MARK1: variants seen among roughly 807,000 people sequenced by gnomAD.
MARK1 encodes the protein microtubule affinity regulating kinase 1, also known as serine/threonine-protein kinase MARK1.
MARK1 carries 40 observed loss-of-function variants against 96.3 expected under a neutral mutation model. That is an observed-to-expected ratio of 0.42 (90% CI 0.32 to 0.54). The LOEUF (loss-of-function observed/expected upper bound fraction) is 0.54. Ranked by LOEUF, MARK1 falls within the 20% of genes least tolerant of loss-of-function variation. The pLI, the probability that MARK1 is intolerant of heterozygous loss-of-function variation, is 0.16. For missense variants in MARK1, 719 were observed against 984.6 expected, an observed-to-expected ratio of 0.73 and a Z score of 3.61; for synonymous variants, 317 against 341.2, an observed-to-expected ratio of 0.93 and a Z score of 0.78.
At chr1:220,572,776 T>C (rs1249608671) in intron 1 of MARK1, among the ~76,000 whole-genome samples, 1 of 152,202 alleles carries the variant, frequency 6.6e-6, no homozygotes, top group East Asian at 1.9e-4. Context: ...TTCATTTATA[T>C]AGATTCATTT....
intron 1 of MARK1, among the ~76,000 whole-genome samples, chr1:220,534,246 T>G (rs1037658672): frequency 1.3e-5 from 2 of 152,146 alleles, no homozygotes; most frequent in Non-Finnish European, 2.9e-5. Context: ...ATAATCAAAT[T>G]AAGGCAATTG....
At chr1:220,546,433 G>A (rs1028540200) in intron 1 of MARK1, among the ~76,000 whole-genome samples, 1 of 152,136 alleles carries the variant, frequency 6.6e-6, no homozygotes, top group Admixed American at 6.5e-5. Flanking sequence ...CAGAAGAATA[G>A]GATGATAAAA....
At chr1:220,572,733 T>C (rs1558267537) in intron 1 of MARK1, among the ~76,000 whole-genome samples, 1 of 152,212 alleles carries the variant, frequency 6.6e-6, no homozygotes, top group African/African-American at 2.4e-5. Flanking sequence ...GTTTTGTATT[T>C]ACCCACATAT....
At chr1:220,657,577 CT>C (rs1461546248) in intron 16 of MARK1, among the ~76,000 whole-genome samples, 1 of 152,056 alleles carries the variant, frequency 6.6e-6, no homozygotes, top group Non-Finnish European at 1.5e-5. Context: ...CTCATATTGC[CT>C]CTTGACAAAA....
chr1:220,538,251 A>T (rs1028053987), intron 1 of MARK1, among the ~76,000 whole-genome samples: 8 of 152,066 alleles, frequency 5.3e-5, no homozygotes, highest in African/African-American at 1.7e-4. Context: ...AATTCATTTT[A>T]GTATAAGGTG....
At chr1:220,545,424 G>C (rs1661413555) in intron 1 of MARK1, among the ~76,000 whole-genome samples, 1 of 150,388 alleles carries the variant, frequency 6.6e-6, no homozygotes, top group Non-Finnish European at 1.5e-5. Context: ...AAATTCAGTG[G>C]GCTGCTTTCT....
chr1:220,577,114 A>G (rs1026742159), intron 1 of MARK1, among the ~76,000 whole-genome samples: 9 of 148,590 alleles, frequency 6.1e-5, no homozygotes, highest in Non-Finnish European at 7.4e-5. Flanking sequence ...AAAACAAAAC[A>G]AAAAAACAGT....
In MARK1 at chr1:220,618,529, G is replaced by C; in HGVS notation, c.772G>C (p.Asp258His). ...ATTAGTCAGTGGCTCCTTGCCTTTC[G>C]ATGGCCAGAATTTAAAGGTATCAGC... The part of the protein sequence containing the change: ...YTLVSGSLPF[D>H]GQNLKELRER... Residue 258 changes from aspartate (D) to histidine (H), a missense_variant, in exon 8 of 18, where the codon GAT becomes CAT. By Grantham distance (81) the Asp-to-His change is moderately conservative. Around this residue, in one of 4 missense-constraint regions of MARK1, gnomAD observed 96 missense variants for 213.1 expected, o/e 0.45. Transcript: ENST00000366917. The surrounding 1 kb of genome is among the most constrained non-coding windows in gnomAD (Gnocchi z 4.6). The C allele has an allele frequency of 6.2e-7, 1 of 1,614,038 alleles. No homozygotes were observed. Among genetic ancestry groups the C allele is most frequent in the Non-Finnish European group, 8.5e-7 (1 of 1,179,960 alleles).
At chr1:220,529,780 G>C (rs934083794) in intron 1 of MARK1, among the ~76,000 whole-genome samples, 5 of 151,966 alleles carry the variant, frequency 3.3e-5, no homozygotes, top group African/African-American at 1.2e-4. Context: ...AAGTACAGTT[G>C]TGTGTGTGTG....
Position 220,652,156 on chromosome 1 carries a change from G to A in MARK1, c.1736+6G>A, listed in dbSNP as rs766781470. The A allele has an allele frequency of 1.4e-5, 22 of 1,589,780 alleles. No homozygotes were observed. The African/African-American group carries it at 2.5e-4, about 18-fold the overall frequency. On this transcript the variant is annotated splice_donor_region_variant and intron_variant, in intron 15 of 17. Coordinates refer to ENST00000366917, the MANE Select transcript of MARK1 (RefSeq NM_018650.5). The stretch of plus-strand genomic sequence containing the variant: ...TCTGAAGCTTACCGGCCTGGGTAAT[G>A]TGTTGGTTACATCTCATTTTGTTCA...
chr1:220,548,779 A>C (rs1661670793), intron 1 of MARK1, among the ~76,000 whole-genome samples: 1 of 152,134 alleles, frequency 6.6e-6, no homozygotes, highest in African/African-American at 2.4e-5. Context: ...AATAATAATA[A>C]TTAATAAATA....
intron 3 of MARK1, among the ~76,000 whole-genome samples, chr1:220,583,498 G>C (rs1664384850): frequency 6.6e-6 from 1 of 152,030 alleles, no homozygotes; most frequent in Non-Finnish European, 1.5e-5. Context: ...TACATATTTT[G>C]AATTAATGGA....
At chr1:220,540,705 TTTTA>T (rs1454142011) in intron 1 of MARK1, among the ~76,000 whole-genome samples, 4 of 110,426 alleles carry the variant, frequency 3.6e-5, no homozygotes, top group African/African-American at 1.3e-4. Context: ...TCATTTCTGA[TTTTA>T]TTTGAGTCCT....
At chr1:220,655,338 G>C (rs6699189) in intron 16 of MARK1, among the ~76,000 whole-genome samples, 123,850 of 152,138 alleles carry the variant, frequency 0.81, 51,111 homozygotes, top group African/African-American at 0.95. Flanking sequence ...TATCTCTAGC[G>C]CACATCTTTC....
chr1:220,618,287 T>A lies in MARK1; in HGVS notation c.553-23T>A. ...ATTTTATGTAGGCTTTTTACATTGT[T>A]CTTTCTATTATTTTCCTCTTAGGCT... On this transcript the variant is annotated intron_variant, in intron 7 of 17. Coordinates refer to ENST00000366917, the MANE Select transcript of MARK1 (RefSeq NM_018650.5). The surrounding 1 kb of genome is among the most constrained non-coding windows in gnomAD (Gnocchi z 4.6). The A allele has an allele frequency of 7.1e-7, 1 of 1,407,258 alleles. No homozygotes were observed. The highest frequency in any genetic ancestry group is 2.3e-5 in the East Asian group (1 of 43,808). The allele number at this position is 1,407,258 out of a possible 1,614,324, so 87.2% of individuals were successfully genotyped here. A position where few individuals can be genotyped will look rare whatever the true frequency, so the allele number is the denominator to read the frequency against.
At chr1:220,574,274 A>T (rs1287395171) in intron 1 of MARK1, among the ~76,000 whole-genome samples, 2 of 152,260 alleles carry the variant, frequency 1.3e-5, no homozygotes, top group African/African-American at 4.8e-5. Context: ...AACAGGCCAA[A>T]TACCTACTTT....
At chr1:220,557,766 CA>C (rs1662384679) in intron 1 of MARK1, among the ~76,000 whole-genome samples, 1 of 151,820 alleles carries the variant, frequency 6.6e-6, no homozygotes, top group Non-Finnish European at 1.5e-5. Flanking sequence ...GTAAAACTGC[CA>C]AAAAAGAGCA....
At chr1:220,558,579 G>C (rs1188190975) in intron 1 of MARK1, among the ~76,000 whole-genome samples, 1 of 151,524 alleles carries the variant, frequency 6.6e-6, no homozygotes, top group Non-Finnish European at 1.5e-5. Flanking sequence ...AGACTAATAA[G>C]ATAAAGAGCA....
Position 220,626,116 on chromosome 1 carries a change from C to T in MARK1, c.910-4919C>T, listed in dbSNP as rs899450103. 10 of 616,530 alleles carry T rather than the reference C, an allele frequency of 1.6e-5. No individual in the cohort carries two copies. In the African/African-American group the frequency reaches 1.8e-4, roughly 11 times the overall value. The allele number at this position is 616,530 out of a possible 1,614,324, so 38.2% of individuals were successfully genotyped here. On this transcript the variant is annotated intron_variant, in intron 9 of 17. Coordinates refer to ENST00000366917, the MANE Select transcript of MARK1 (RefSeq NM_018650.5). The stretch of plus-strand genomic sequence containing the variant: ...AAGTGCTGTGAAACTTAATAAGCAG[C>T]AGATAGACATCGCTGTGAATTGGGC...
Sources: gnomAD v4.1 joint callset for allele counts (sites outside exome capture counted in the v4.1 genomes callset) on GRCh38, gnomAD v4.1.1 for gene constraint, gnomAD v4.1.1 regional missense constraint, Gnocchi (gnomAD v3.1) non-coding constraint, MANE v1.5 for transcripts, NCBI Gene and HGNC (gene_info 2026-07-23, HGNC 2026-07-21) for gene names.